Variants in TPRG1 observed in about 807,000 individuals in gnomAD.
TPRG1 encodes tumor protein p63 regulated 1.
TPRG1 carries 29 observed loss-of-function variants against 29.3 expected under a neutral mutation model. The ratio of observed to expected loss-of-function variants is 0.99; its 90% confidence interval spans 0.74 to 1.35. TPRG1 has a LOEUF of 1.35. Among genes scored for constraint, TPRG1 ranks in the 40% most tolerant of loss-of-function variants. The pLI, the probability that TPRG1 is intolerant of heterozygous loss-of-function variation, is 0.00. For missense variants in TPRG1, 327 were observed against 335.0 expected, an observed-to-expected ratio of 0.98 and a Z score of 0.19; for synonymous variants, 130 against 116.8, an observed-to-expected ratio of 1.11 and a Z score of -0.73.
intron 4 of TPRG1, among the ~76,000 whole-genome samples, chr3:189,060,331 A>G (rs899680794): frequency 6.6e-6 from 1 of 152,234 alleles, no homozygotes; most frequent in Non-Finnish European, 1.5e-5. Flanking sequence ...GCCACAGCCA[A>G]CATCATACTG....
intron 3 of TPRG1, among the ~76,000 whole-genome samples, chr3:189,231,913 C>A (rs1367454651): frequency 2.7e-5 from 4 of 149,240 alleles, no homozygotes; most frequent in African/African-American, 9.9e-5. Context: ...TTCCTCAGTT[C>A]ATGTAAATTT....
intron 4 of TPRG1, among the ~76,000 whole-genome samples, chr3:189,024,196 A>C (rs1214620345): frequency 6.6e-6 from 1 of 152,102 alleles, no homozygotes; most frequent in Admixed American, 6.5e-5. Context: ...ATGGGGAGAG[A>C]TGGCTGGAGG....
intron 4 of TPRG1, among the ~76,000 whole-genome samples, chr3:189,306,075 TC>T (rs1412288579): frequency 1.3e-5 from 2 of 152,190 alleles, no homozygotes; most frequent in Non-Finnish European, 2.9e-5. Flanking sequence ...TAAAATCGGC[TC>T]ATAGATTGTC....
At position 189,147,199 on chromosome 3, in the gene TPRG1, G is replaced by C. The variant is rs530769550; in HGVS notation, c.-290-385G>C. ...AGTTATCCAGTGATCCCATCTCCAG[G>C]GTAGACCCTTGAGATTCCCTGTGAA... On this transcript the variant is annotated intron_variant, in intron 3 of 6. Transcript: ENST00000412373. Among the ~76,000 whole-genome samples the C allele has an allele frequency of 2.0e-5, 3 of 152,258 alleles. No individual in the cohort carries two copies. The South Asian group carries it at 6.2e-4, about 32-fold the overall frequency.
At chr3:189,133,246 T>G (rs911761601) in intron 3 of TPRG1, among the ~76,000 whole-genome samples, 13 of 152,192 alleles carry the variant, frequency 8.5e-5, no homozygotes, top group Non-Finnish European at 1.6e-4. Flanking sequence ...ATTTGAAGTC[T>G]TATGCTGTGT....
intron 4 of TPRG1, among the ~76,000 whole-genome samples, chr3:189,033,275 C>G (rs936981707): frequency 6.6e-6 from 1 of 150,746 alleles, no homozygotes; most frequent in Non-Finnish European, 1.5e-5. Context: ...AGTCATTATT[C>G]CTTTTTTTTT....
intron 4 of TPRG1, among the ~76,000 whole-genome samples, chr3:189,078,770 A>C (rs1578303350): frequency 6.6e-6 from 1 of 152,206 alleles, no homozygotes; most frequent in Admixed American, 6.5e-5. Flanking sequence ...TAGCTGTGCT[A>C]CCTTAAACAA....
At chr3:189,269,287 G>T (rs1040712475) in intron 4 of TPRG1, among the ~76,000 whole-genome samples, 1 of 152,184 alleles carries the variant, frequency 6.6e-6, no homozygotes, top group South Asian at 2.1e-4. Context: ...TCTCAAGGTC[G>T]TAAACTGTGA....
chr3:189,133,861 C>T (rs182569643), intron 3 of TPRG1, among the ~76,000 whole-genome samples: 120 of 152,252 alleles, frequency 7.9e-4, no homozygotes, highest in African/African-American at 2.8e-3. Context: ...TATTCACCAT[C>T]ACAGAATGGA....
chr3:189,164,177 T>C (rs981953995), intron 5 of TPRG1, among the ~76,000 whole-genome samples: 1 of 152,156 alleles, frequency 6.6e-6, no homozygotes. Flanking sequence ...TTTTCTTTTT[T>C]TTTGAGACAG....
At chr3:189,202,302 C>A (rs541043120) in intron 1 of TPRG1, among the ~76,000 whole-genome samples, 4 of 152,132 alleles carry the variant, frequency 2.6e-5, no homozygotes, top group Admixed American at 6.5e-5. Context: ...AGAGCTACCC[C>A]CCTCAGACCG....
At chr3:189,111,870 T>A (rs1208817652) in intron 1 of TPRG1, among the ~76,000 whole-genome samples, 4 of 152,176 alleles carry the variant, frequency 2.6e-5, no homozygotes, top group South Asian at 2.1e-4. Context: ...TGAGAACATC[T>A]TTGCCTTGAT....
chr3:189,090,935 T>C (rs1188870232), intron 4 of TPRG1, among the ~76,000 whole-genome samples: 1 of 152,126 alleles, frequency 6.6e-6, no homozygotes, highest in Non-Finnish European at 1.5e-5. Flanking sequence ...CAAGAAGCAG[T>C]GTAAAAGAAT....
chr3:189,288,072 AG>A (rs1378399102), intron 4 of TPRG1, among the ~76,000 whole-genome samples: 1 of 151,380 alleles, frequency 6.6e-6, no homozygotes, highest in Non-Finnish European at 1.5e-5. Flanking sequence ...AGAGAGACAG[AG>A]GAAAAAGAGA....
In TPRG1 at chr3:189,007,062, A is replaced by C. The variant is rs960489831; in HGVS notation, c.-660+2302A>C. Among the ~76,000 whole-genome samples the C allele has an allele frequency of 3.4e-4, 51 of 152,124 alleles. 1 individual carries two copies. The highest frequency in any genetic ancestry group is 5.2e-4 in the Non-Finnish European group (35 of 67,932). On this transcript the variant is annotated intron_variant, in intron 3 of 10. Transcript: ENST00000433971. ...TTGACAAATGGGATCTAATTAAACT[A>C]AAGAGCTTCTGCACAGCAAAAGAAA...
intron 1 of TPRG1, among the ~76,000 whole-genome samples, chr3:189,172,982 C>T (rs565955102): frequency 2.0e-4 from 30 of 152,280 alleles, no homozygotes; most frequent in African/African-American, 7.2e-4. Context: ...GGGAAAAACA[C>T]CCCCAAATCC....
At chr3:189,280,808 G>T (rs929049629) in intron 4 of TPRG1, among the ~76,000 whole-genome samples, 11 of 152,148 alleles carry the variant, frequency 7.2e-5, no homozygotes, top group Non-Finnish European at 1.2e-4. Flanking sequence ...TCATAGCGTT[G>T]TATTAAAGAT....
intron 4 of TPRG1, among the ~76,000 whole-genome samples, chr3:189,032,735 T>C: frequency 6.9e-6 from 1 of 144,062 alleles, no homozygotes; most frequent in Non-Finnish European, 1.5e-5. Flanking sequence ...CTCCTAATGC[T>C]ATCCCTCCCC....
At chr3:189,179,777 G>A (rs1365532757) in intron 1 of TPRG1, among the ~76,000 whole-genome samples, 1 of 152,182 alleles carries the variant, frequency 6.6e-6, no homozygotes, top group East Asian at 1.9e-4. Flanking sequence ...GCCATTTAGA[G>A]TTGCACTAGG....
Sources: gnomAD v4.1 joint callset for allele counts (sites outside exome capture counted in the v4.1 genomes callset) on GRCh38, gnomAD v4.1.1 for gene constraint, MANE v1.5 for transcripts, NCBI Gene and HGNC (gene_info 2026-07-23, HGNC 2026-07-21) for gene names.